Variants in LIN54 observed in about 807,000 individuals in gnomAD.
The protein encoded by LIN54 is lin-54 DREAM MuvB core complex component.
Under a neutral mutation model 78.7 loss-of-function variants are expected in LIN54, and 9 were observed. That is an observed-to-expected ratio of 0.11 (90% CI 0.07 to 0.20). LIN54 has a LOEUF of 0.20. Ranked by LOEUF, LIN54 falls within the 10% of genes least tolerant of loss-of-function variation. The probability of loss-of-function intolerance (pLI) is 1.00; values close to 1 mark genes in which losing one functional copy is unlikely to be tolerated. For missense variants in LIN54, 573 were observed against 889.9 expected (o/e 0.64, Z 4.53); for synonymous variants, 269 against 318.4 (o/e 0.84, Z 1.65).
intron 4 of LIN54, among the ~76,000 whole-genome samples, chr4:82,956,105 G>A (rs368070120): frequency 1.6e-4 from 24 of 152,032 alleles, no homozygotes; most frequent in Admixed American, 9.8e-4. Context: ...CTGCTACCAC[G>A]CGCGGCTAAA....
chr4:83,010,256 G>A (rs183071659), intron 1 of LIN54, among the ~76,000 whole-genome samples: 26 of 152,326 alleles, frequency 1.7e-4, no homozygotes, highest in Admixed American at 3.9e-4. Flanking sequence ...CATGATAAGT[G>A]CTAGCGGTTC....
chr4:83,010,758 C>A lies in LIN54; in HGVS notation c.-307G>T. 8.1e-7 allele frequency: 1 copy of A among 1,233,036 alleles called. No homozygotes were observed. Among genetic ancestry groups the A allele is most frequent in the Non-Finnish European group, 1.0e-6 (1 of 988,832 alleles). The allele number at this position is 1,233,036 out of a possible 1,614,324, so 76.4% of individuals were successfully genotyped here. A position where few individuals can be genotyped will look rare whatever the true frequency, so the allele number is the denominator to read the frequency against. ...TCCGCCATTTTCACCTCGTCATCACCATCACAGCTCAGCAGCTTCCCCGAC... is the reference window on the plus strand; with the variant it reads ...TCCGCCATTTTCACCTCGTCATCACAATCACAGCTCAGCAGCTTCCCCGAC... On this transcript the variant is annotated 5_prime_UTR_variant, in exon 1 of 13. The change abolishes an upstream ATG in the 5' untranslated region. Transcript: ENST00000340417.
intron 1 of LIN54, among the ~76,000 whole-genome samples, chr4:83,003,045 G>A (rs1729003200): frequency 6.6e-6 from 1 of 152,066 alleles, no homozygotes; most frequent in Admixed American, 6.6e-5. Flanking sequence ...ATGGAGTCTT[G>A]CTCTGTCACC....
chr4:82,933,379 CAAA>C (rs111591156), intron 11 of LIN54, among the ~76,000 whole-genome samples: 3 of 136,216 alleles, frequency 2.2e-5, no homozygotes, highest in African/African-American at 5.4e-5. Flanking sequence ...TCCCCTATAC[CAAA>C]AAAAAAAAAG....
At chr4:82,951,784 T>C (rs1342035685) in intron 4 of LIN54, among the ~76,000 whole-genome samples, 1 of 151,816 alleles carries the variant, frequency 6.6e-6, no homozygotes, top group African/African-American at 2.4e-5. Flanking sequence ...TATAGACTAA[T>C]AGAACAGAAT....
At chr4:82,941,791 A>G (rs758693279) in intron 5 of LIN54, among the ~76,000 whole-genome samples, 9 of 152,244 alleles carry the variant, frequency 5.9e-5, no homozygotes, top group East Asian at 1.9e-4. Context: ...AGAGCTTTCA[A>G]GTGACCAGGA....
intron 1 of LIN54, among the ~76,000 whole-genome samples, chr4:82,990,320 G>C (rs1727556093): frequency 6.6e-6 from 1 of 152,178 alleles, no homozygotes; most frequent in South Asian, 2.1e-4. Context: ...AGAGACAAAA[G>C]GACTTTTGAC....
At chr4:82,949,579 T>C (rs1380717445) in intron 4 of LIN54, among the ~76,000 whole-genome samples, 1 of 152,004 alleles carries the variant, frequency 6.6e-6, no homozygotes, top group Non-Finnish European at 1.5e-5. Context: ...GTATTTTGAA[T>C]AGAGACGGGG....
chr4:82,946,168 C>T (rs575982365), intron 5 of LIN54, 90 bp downstream of exon 5: 7 of 1,135,002 alleles, frequency 6.2e-6, no homozygotes, highest in Middle Eastern at 2.0e-4. Context: ...TGAAATGCCA[C>T]TCTTCATCAG....
chr4:82,985,288 G>A (rs1727027975), intron 1 of LIN54, among the ~76,000 whole-genome samples: 1 of 152,136 alleles, frequency 6.6e-6, no homozygotes, highest in South Asian at 2.1e-4. Flanking sequence ...AGGAAATAAA[G>A]ATTTAAATAT....
intron 7 of LIN54, among the ~76,000 whole-genome samples, chr4:82,939,333 C>T (rs1722646211): frequency 6.6e-6 from 1 of 152,186 alleles, no homozygotes; most frequent in Admixed American, 6.5e-5. Flanking sequence ...AATTGTCTGA[C>T]TTGTATATCT....
chr4:83,004,622 G>A (rs1245902864), intron 1 of LIN54, among the ~76,000 whole-genome samples: 6 of 142,952 alleles, frequency 4.2e-5, no homozygotes, highest in African/African-American at 7.4e-5. Flanking sequence ...CCCGAGTAGC[G>A]GGGACTACAG....
intron 1 of LIN54, 22 bp downstream of exon 1, chr4:83,010,462 C>A: frequency 1.9e-6 from 2 of 1,063,436 alleles, no homozygotes; most frequent in Non-Finnish European, 2.3e-6. Context: ...GAGAAGCCCT[C>A]GGGTACCCCA....
Position 82,928,000 on chromosome 4 carries a change from G to T in LIN54, c.*102C>A. ...ATAATTTCAGGTCTTTTAAAACAAG[G>T]ACTGAATTAAAATACAGTAATTGTT... On this transcript the variant is annotated 3_prime_UTR_variant, in exon 13 of 13. Transcript: ENST00000340417. The T allele has an allele frequency of 2.2e-6, 2 of 913,066 alleles. No individual in the cohort carries two copies. Among genetic ancestry groups the T allele is most frequent in the South Asian group, 1.5e-5 (1 of 66,736 alleles). The allele number at this position is 913,066 out of a possible 1,614,324, so 56.6% of individuals were successfully genotyped here. A position where few individuals can be genotyped will look rare whatever the true frequency, so the allele number is the denominator to read the frequency against.
intron 2 of LIN54, among the ~76,000 whole-genome samples, chr4:82,980,570 A>G (rs17839075): frequency 0.022 from 2 of 92 alleles, no homozygotes; most frequent in African/African-American, 0.067. Context: ...AAATCACTTA[A>G]AAAAAAACAT....
chr4:82,987,225 A>T (rs1194406044), intron 1 of LIN54, among the ~76,000 whole-genome samples: 1 of 152,226 alleles, frequency 6.6e-6, no homozygotes, highest in East Asian at 1.9e-4. Context: ...CGGGAGGCGG[A>T]GGTTGCAGTG....
At chr4:82,934,851 T>C (rs1722259779) in intron 11 of LIN54, among the ~76,000 whole-genome samples, 1 of 152,162 alleles carries the variant, frequency 6.6e-6, no homozygotes, top group Non-Finnish European at 1.5e-5. Context: ...AGAAACCAAT[T>C]ATGGTAATCT....
intron 11 of LIN54, among the ~76,000 whole-genome samples, chr4:82,934,090 G>C (rs1009690038): frequency 3.9e-5 from 6 of 152,162 alleles, no homozygotes; most frequent in African/African-American, 1.4e-4. Context: ...CTGGCTTGTT[G>C]GATTTTGAGA....
At chr4:82,965,958 A>G (rs1725170076) in intron 4 of LIN54, among the ~76,000 whole-genome samples, 1 of 152,148 alleles carries the variant, frequency 6.6e-6, no homozygotes, top group South Asian at 2.1e-4. Context: ...TGACTTTTCT[A>G]TGACATTTGA....
Sources: allele counts gnomAD v4.1 joint callset (sites outside exome capture counted in the v4.1 genomes callset), GRCh38; gene constraint gnomAD v4.1.1; transcripts MANE v1.5; gene names NCBI Gene and HGNC (gene_info 2026-07-23, HGNC 2026-07-21).